The following C1orf21 variants were observed in gnomAD, a reference collection of about 807,000 sequenced individuals.
C1orf21 encodes chromosome 1 open reading frame 21.
C1orf21 carries 3 observed loss-of-function variants against 18.7 expected under a neutral mutation model. The observed-to-expected ratio is 0.16, with a 90% CI of 0.07 to 0.42. The LOEUF is 0.42. Among genes scored for constraint, C1orf21 ranks in the 10% least tolerant of loss-of-function variants. The pLI is 0.99. For missense variants in C1orf21, 104 were observed against 143.6 expected (o/e 0.72, Z 1.41); for synonymous variants, 41 against 46.4 (o/e 0.88, Z 0.47).
chr1:184,483,673 A>T (rs1657689451), intron 2 of C1orf21, among the ~76,000 whole-genome samples: 1 of 152,146 alleles, frequency 6.6e-6, no homozygotes, highest in Non-Finnish European at 1.5e-5. Context: ...TGTCCTCAGG[A>T]GGAATCTCCT....
rs1177125909 is a variant in C1orf21, at chr1:184,410,650, T to TA, written c.-125+23283dup. Among the ~76,000 whole-genome samples the TA allele has an allele frequency of 3.9e-3, 26 of 6,666 alleles. 2 individuals are homozygous for TA. The highest frequency in any genetic ancestry group is 0.014 in the African/African-American group (5 of 350). The allele number at this position is 6,666 out of a possible 152,430, so 4.4% of individuals were successfully genotyped here. Reference sequence around the variant, plus strand: ...ATATATATATATATATATATATATATATATATATATATATTTTTTTTTTTT... The same window carrying TA: ...ATATATATATATATATATATATATATAATATATATATATATTTTTTTTTTTT... On this transcript the variant is annotated intron_variant, in intron 1 of 5. Coordinates refer to ENST00000235307, the MANE Select transcript of C1orf21 (RefSeq NM_030806.4).
intron 1 of C1orf21, among the ~76,000 whole-genome samples, chr1:184,435,108 G>A (rs1465784711): frequency 6.6e-6 from 1 of 152,150 alleles, no homozygotes; most frequent in East Asian, 1.9e-4. Context: ...GAGCATTACT[G>A]GTGAGATGTA....
chr1:184,442,582 G>A (rs1557973238), intron 1 of C1orf21, among the ~76,000 whole-genome samples: 4 of 152,094 alleles, frequency 2.6e-5, no homozygotes, highest in Admixed American at 1.3e-4. Context: ...TTGAACATTA[G>A]TTTCCCCATG....
At position 184,393,470 on chromosome 1, in the gene C1orf21, C is replaced by T. The variant is rs1455746027; in HGVS notation, c.-125+6102C>T. On this transcript the variant is annotated intron_variant, in intron 1 of 5. Coordinates refer to ENST00000235307, the MANE Select transcript of C1orf21 (RefSeq NM_030806.4). ...GTTTATAGTATTCATGAGTTGACATCCACATACTTTATACCTTGTAGAAAA... is the reference window on the plus strand; with the variant it reads ...GTTTATAGTATTCATGAGTTGACATTCACATACTTTATACCTTGTAGAAAA... Among the ~76,000 whole-genome samples, 4 of 152,220 alleles carry T rather than the reference C, an allele frequency of 2.6e-5. No homozygotes were observed. In the East Asian group the frequency reaches 7.7e-4, roughly 29 times the overall value.
intron 1 of C1orf21, among the ~76,000 whole-genome samples, chr1:184,471,257 T>A (rs12129904): frequency 6.6e-6 from 1 of 151,940 alleles, no homozygotes; most frequent in African/African-American, 2.4e-5. Flanking sequence ...AAATAGGGGA[T>A]CTAAGCTGTG....
intron 1 of C1orf21, among the ~76,000 whole-genome samples, chr1:184,396,903 C>T (rs1656058745): frequency 6.6e-6 from 1 of 152,188 alleles, no homozygotes; most frequent in African/African-American, 2.4e-5. Context: ...ATCCAAAGAA[C>T]ACCTGCCGCA....
intron 2 of C1orf21, among the ~76,000 whole-genome samples, chr1:184,506,219 A>G (rs988067098): frequency 2.0e-5 from 3 of 152,342 alleles, no homozygotes; most frequent in Non-Finnish European, 4.4e-5. Context: ...TGGAAAAAAC[A>G]GTTGGCTTAG....
At chr1:184,458,415 C>A (rs1033377843) in intron 1 of C1orf21, among the ~76,000 whole-genome samples, 1 of 152,122 alleles carries the variant, frequency 6.6e-6, no homozygotes, top group African/African-American at 2.4e-5. Context: ...GTTATTCTTT[C>A]ATCTGTGCTG....
intron 3 of C1orf21, among the ~76,000 whole-genome samples, chr1:184,571,897 ATGT>A (rs1469028620): frequency 6.8e-6 from 1 of 146,440 alleles, no homozygotes; most frequent in Non-Finnish European, 1.5e-5. Context: ...TGTTTCCTTG[ATGT>A]TCTTCTTAAT....
chr1:184,450,268 CT>C (rs1356681754), intron 1 of C1orf21, among the ~76,000 whole-genome samples: 5 of 152,130 alleles, frequency 3.3e-5, no homozygotes, highest in Non-Finnish European at 1.5e-5. Context: ...TGAATGCAGG[CT>C]TCTCAGGAGC....
At position 184,616,939 on chromosome 1, in the gene C1orf21, G is replaced by A. The variant is rs115068340; in HGVS notation, c.328-2579G>A. On this transcript the variant is annotated intron_variant, in intron 5 of 5. Coordinates refer to ENST00000235307, the MANE Select transcript of C1orf21 (RefSeq NM_030806.4). ...CCTGTCTGGAGTGCAAGGCTGAGGT[G>A]GGAGGAAGAGTTCCCTGACACCTAT... Among the ~76,000 whole-genome samples, 1,406 of 152,254 alleles carry A rather than the reference G, an allele frequency of 9.2e-3. 14 individuals are homozygous for A. Among genetic ancestry groups the A allele is most frequent in the African/African-American group, 0.031 (1,299 of 41,538 alleles).
intron 1 of C1orf21, among the ~76,000 whole-genome samples, chr1:184,463,613 C>T (rs539646725): frequency 6.6e-6 from 1 of 152,270 alleles, no homozygotes; most frequent in Admixed American, 6.5e-5. Context: ...GAATCAAAGA[C>T]ATCAAAACCA....
At chr1:184,573,916 C>T (rs191453098) in intron 3 of C1orf21, among the ~76,000 whole-genome samples, 74 of 152,130 alleles carry the variant, frequency 4.9e-4, no homozygotes, top group African/African-American at 1.5e-3. Context: ...GAAGATAGGC[C>T]GAGCACCATG....
intron 3 of C1orf21, among the ~76,000 whole-genome samples, chr1:184,541,513 A>T (rs1238897077): frequency 6.6e-6 from 1 of 152,186 alleles, no homozygotes; most frequent in Non-Finnish European, 1.5e-5. Flanking sequence ...GCCTGTCTGG[A>T]TGTCTTCAGG....
intron 1 of C1orf21, among the ~76,000 whole-genome samples, chr1:184,451,924 T>C (rs1253302399): frequency 6.6e-6 from 1 of 152,206 alleles, no homozygotes; most frequent in African/African-American, 2.4e-5. Flanking sequence ...ATAATTTTGT[T>C]TTTAAAAATA....
At position 184,485,887 on chromosome 1, in the gene C1orf21, C is replaced by T. The variant is rs555576073; in HGVS notation, c.94+8284C>T. On this transcript the variant is annotated intron_variant, in intron 2 of 5. Coordinates refer to ENST00000235307, the MANE Select transcript of C1orf21 (RefSeq NM_030806.4). ...TTCCCTTTTTCTGTTTTTAGTGAAT[C>T]ATAGGAGACAGTAAAGAGCCCTAAG... 2.6e-5 allele frequency among the ~76,000 whole-genome samples: 4 copies of T among 152,258 alleles called. No homozygotes were observed. In the East Asian group the frequency reaches 7.7e-4, roughly 29 times the overall value.
intron 5 of C1orf21, among the ~76,000 whole-genome samples, chr1:184,619,131 G>C (rs1659877132): frequency 6.6e-6 from 1 of 152,176 alleles, no homozygotes; most frequent in African/African-American, 2.4e-5. Context: ...GTAGAATGTT[G>C]ATTTTCAGGC....
At chr1:184,517,030 A>T (rs896027252) in intron 3 of C1orf21, among the ~76,000 whole-genome samples, 8 of 152,200 alleles carry the variant, frequency 5.3e-5, no homozygotes, top group Non-Finnish European at 1.2e-4. Context: ...CATTTGATTG[A>T]TTGGCAGCCT....
chr1:184,391,983 C>T (rs1041567809), intron 1 of C1orf21, among the ~76,000 whole-genome samples: 1 of 152,232 alleles, frequency 6.6e-6, no homozygotes, highest in African/African-American at 2.4e-5. Context: ...GCTGGGATTA[C>T]AGGCGTGAGC....
Sources: gnomAD v4.1 joint callset for allele counts (sites outside exome capture counted in the v4.1 genomes callset) on GRCh38, gnomAD v4.1.1 for gene constraint, MANE v1.5 for transcripts, NCBI Gene and HGNC (gene_info 2026-07-23, HGNC 2026-07-21) for gene names.